AKAP6: variants seen among roughly 807,000 people sequenced by gnomAD.
AKAP6 encodes A-kinase anchoring protein 6.
Under a neutral mutation model 188.5 loss-of-function variants are expected in AKAP6, and 58 were observed. That is an observed-to-expected ratio of 0.31 (90% CI 0.25 to 0.38). The LOEUF is 0.38. AKAP6 is among the 10% of genes least tolerant of loss of function. The pLI is 1.00. For synonymous variants in AKAP6, 989 were observed against 998.6 expected (o/e 0.99, Z 0.18); for missense variants, 2,710 against 2,740.0 (o/e 0.99, Z 0.24).
At chr14:32,678,027 T>C (rs1889506240) in intron 7 of AKAP6, among the ~76,000 whole-genome samples, 1 of 152,250 alleles carries the variant, frequency 6.6e-6, no homozygotes, top group Admixed American at 6.5e-5. Context: ...CACAGAATTT[T>C]TATGTAAAGT....
At chr14:32,572,923 G>A (rs1308014180) in intron 4 of AKAP6, among the ~76,000 whole-genome samples, 1 of 152,124 alleles carries the variant, frequency 6.6e-6, no homozygotes, top group Non-Finnish European at 1.5e-5. Flanking sequence ...TTGATGACCA[G>A]GATTTCTCCT....
intron 5 of AKAP6, among the ~76,000 whole-genome samples, chr14:32,588,901 A>G (rs551489155): frequency 5.3e-5 from 8 of 152,202 alleles, no homozygotes; most frequent in Admixed American, 2.0e-4. Context: ...AAACCAATAT[A>G]CTTCTTACAG....
intron 11 of AKAP6, among the ~76,000 whole-genome samples, chr14:32,768,866 T>C (rs1259146295): frequency 2.0e-5 from 3 of 151,880 alleles, no homozygotes; most frequent in Admixed American, 2.0e-4. Flanking sequence ...ATCAGAGAAT[T>C]TGCAGTTCTA....
At chr14:32,762,854 T>A (rs1361373945) in intron 11 of AKAP6, among the ~76,000 whole-genome samples, 2 of 152,080 alleles carry the variant, frequency 1.3e-5, no homozygotes, top group African/African-American at 2.4e-5. Flanking sequence ...AAAATTAAGA[T>A]CTTTAGGTCA....
At chr14:32,728,200 A>ATT (rs3033287) in intron 9 of AKAP6, among the ~76,000 whole-genome samples, 5 of 71,062 alleles carry the variant, frequency 7.0e-5, no homozygotes, top group Admixed American at 2.0e-4. Context: ...ACATCCCTGG[A>ATT]TTTTTTTTTT....
chr14:32,437,656 G>T (rs1890429627), intron 2 of AKAP6, among the ~76,000 whole-genome samples: 1 of 151,982 alleles, frequency 6.6e-6, no homozygotes, highest in Admixed American at 6.6e-5. Context: ...GAGTGCAGTG[G>T]CGCAATCTGG....
intron 2 of AKAP6, among the ~76,000 whole-genome samples, chr14:32,469,946 G>C (rs1036714544): frequency 3.9e-5 from 6 of 152,098 alleles, no homozygotes; most frequent in Non-Finnish European, 7.3e-5. Context: ...GGCTGTAGAT[G>C]TTGGGAAATT....
intron 9 of AKAP6, among the ~76,000 whole-genome samples, chr14:32,701,555 C>A (rs890527349): frequency 6.6e-6 from 1 of 151,394 alleles, no homozygotes; most frequent in Non-Finnish European, 1.5e-5. Flanking sequence ...AATATAAATA[C>A]GTGTGGAATA....
chr14:32,750,828 G>T (rs929466585), intron 11 of AKAP6, among the ~76,000 whole-genome samples: 1 of 144,406 alleles, frequency 6.9e-6, no homozygotes, highest in Non-Finnish European at 1.5e-5. Flanking sequence ...CTGCAAGCCC[G>T]GGTTCACCCC....
At position 32,492,355 on chromosome 14, in the gene AKAP6, T is replaced by TATATATATATAGAGAGAGAGAGAG; in HGVS notation, c.325-43198_325-43197insTATATATATAGAGAGAGAGAGAGA. Among the ~76,000 whole-genome samples the TATATATATATAGAGAGAGAGAGAG allele has an allele frequency of 2.3e-3, 188 of 82,560 alleles. 1 individual carries two copies. Among genetic ancestry groups the TATATATATATAGAGAGAGAGAGAG allele is most frequent in the East Asian group, 9.9e-3 (15 of 1,522 alleles). 54.2% of individuals were successfully genotyped at this position (82,560 alleles called of 152,430 possible). On this transcript the variant is annotated intron_variant, in intron 2 of 13. Transcript: ENST00000280979. Reference sequence around the variant, plus strand: ...ACATTGTAATATATATATATATATATAGAGAGAGAGAGAGAGAGAGAGAGA... The same window carrying TATATATATATAGAGAGAGAGAGAG: ...ACATTGTAATATATATATATATATATATATATATATAGAGAGAGAGAGAGAGAGAGAGAGAGAGAGAGAGAGAGA...
At chr14:32,375,046 A>G (rs1888117510) in intron 1 of AKAP6, among the ~76,000 whole-genome samples, 1 of 152,200 alleles carries the variant, frequency 6.6e-6, no homozygotes, top group South Asian at 2.1e-4. Context: ...TCATAAATCT[A>G]AATGAGAGGT....
At chr14:32,362,936 C>CA (rs1208819193) in intron 1 of AKAP6, among the ~76,000 whole-genome samples, 2 of 152,036 alleles carry the variant, frequency 1.3e-5, no homozygotes, top group Non-Finnish European at 2.9e-5. Flanking sequence ...TAGAGAGAGC[C>CA]AGTACTTCTG....
At chr14:32,577,590 T>C (rs1170874809) in intron 5 of AKAP6, among the ~76,000 whole-genome samples, 1 of 152,178 alleles carries the variant, frequency 6.6e-6, no homozygotes, top group East Asian at 1.9e-4. Context: ...TGATGACCAT[T>C]CTAAGCTTTC....
At chr14:32,428,048 C>T (rs766033278) in intron 1 of AKAP6, among the ~76,000 whole-genome samples, 2 of 152,188 alleles carry the variant, frequency 1.3e-5, no homozygotes, top group Non-Finnish European at 2.9e-5. Flanking sequence ...AATGCTCTTA[C>T]ATGGAAAGAA....
intron 4 of AKAP6, among the ~76,000 whole-genome samples, chr14:32,548,529 A>AATAG (rs71115083): frequency 0.081 from 11,530 of 142,494 alleles, 459 homozygotes; most frequent in East Asian, 0.11. Flanking sequence ...CTCAAGCTAA[A>AATAG]ATAGATAGAT....
At chr14:32,580,090 T>C (rs1374466480) in intron 5 of AKAP6, among the ~76,000 whole-genome samples, 1 of 152,164 alleles carries the variant, frequency 6.6e-6, no homozygotes, top group East Asian at 1.9e-4. Context: ...ATGTTCATAC[T>C]TTGATACTTA....
At chr14:32,771,857 CAGAA>C (rs1256222947) in intron 11 of AKAP6, among the ~76,000 whole-genome samples, 2 of 152,100 alleles carry the variant, frequency 1.3e-5, no homozygotes, top group African/African-American at 4.8e-5. Flanking sequence ...GTTAACAAAA[CAGAA>C]AGAAAACCCC....
intron 1 of AKAP6, among the ~76,000 whole-genome samples, chr14:32,419,823 G>C (rs986168905): frequency 2.0e-5 from 3 of 151,710 alleles, no homozygotes; most frequent in African/African-American, 7.3e-5. Flanking sequence ...TGAAATTTTA[G>C]CATTTTAAAT....
intron 13 of AKAP6, among the ~76,000 whole-genome samples, chr14:32,827,866 T>A (rs188055279): frequency 2.0e-5 from 3 of 152,304 alleles, no homozygotes; most frequent in African/African-American, 7.2e-5. Flanking sequence ...GCTGGATAAA[T>A]CCCGTGGTAT....
Sources: gnomAD v4.1 joint callset for allele counts (sites outside exome capture counted in the v4.1 genomes callset) on GRCh38, gnomAD v4.1.1 for gene constraint, MANE v1.5 for transcripts, NCBI Gene and HGNC (gene_info 2026-07-23, HGNC 2026-07-21) for gene names.